Variants in CPLX2 observed in about 807,000 individuals in gnomAD.
CPLX2 encodes the protein complexin 2, also known as complexin-2.
Under a neutral mutation model 16.3 loss-of-function variants are expected in CPLX2, and 5 were observed. The ratio of observed to expected loss-of-function variants is 0.31; its 90% CI spans 0.16 to 0.64. The LOEUF (loss-of-function observed/expected upper bound fraction) is 0.64. CPLX2 is among the 30% of genes least tolerant of loss of function. The pLI, the probability that CPLX2 is intolerant of heterozygous loss-of-function variation, is 0.79. For missense variants in CPLX2, 144 were observed against 181.4 expected (o/e 0.79, Z 1.18); for synonymous variants, 89 against 73.2 (o/e 1.22, Z -1.10).
At chr5:175,800,755 C>A (rs1399653061) in intron 1 of CPLX2, among the ~76,000 whole-genome samples, 1 of 152,336 alleles carries the variant, frequency 6.6e-6, no homozygotes, top group Admixed American at 6.5e-5. Context: ...GATGGTGATA[C>A]AGCAGAACAA....
At chr5:175,859,228 G>A (rs111746034) in intron 2 of CPLX2, among the ~76,000 whole-genome samples, 7 of 152,248 alleles carry the variant, frequency 4.6e-5, no homozygotes, top group East Asian at 3.8e-4. Context: ...ATCAGGAGGC[G>A]TAGCCAGGGC....
rs1019655231 is a variant in CPLX2 at position 175,872,621 on chromosome 5, C to T, written c.-89+916C>T. Among the ~76,000 whole-genome samples the T allele has an allele frequency of 3.3e-5, 5 of 152,130 alleles. No individual in the cohort carries two copies. The highest frequency in any genetic ancestry group is 1.3e-4 in the Admixed American group (2 of 15,282). ...GCCACTTCCGCTTTTCAGCCGGAGT[C>T]GGCTCCCTACCTCCTCCCATCCTCC... On this transcript the variant is annotated intron_variant, in intron 1 of 3. Transcript: ENST00000393745. The surrounding 1 kb of genome is among the most constrained non-coding windows in gnomAD (Gnocchi z 5.0).
chr5:175,821,623 G>A (rs895634042), intron 2 of CPLX2, among the ~76,000 whole-genome samples: 2 of 152,110 alleles, frequency 1.3e-5, no homozygotes, highest in African/African-American at 4.8e-5. Flanking sequence ...GGCCATGCTA[G>A]TCATGAATTC....
At chr5:175,837,329 C>G (rs1295212655) in intron 2 of CPLX2, among the ~76,000 whole-genome samples, 1 of 152,216 alleles carries the variant, frequency 6.6e-6, no homozygotes, top group East Asian at 1.9e-4. Flanking sequence ...GAAACCTTCC[C>G]GCCCTCCCCT....
At chr5:175,875,921 T>C (rs967726731) in intron 1 of CPLX2, among the ~76,000 whole-genome samples, 1 of 151,900 alleles carries the variant, frequency 6.6e-6, no homozygotes, top group Non-Finnish European at 1.5e-5. Flanking sequence ...TAGAGGTACT[T>C]TGCAAACTGG....
intron 2 of CPLX2, among the ~76,000 whole-genome samples, chr5:175,838,537 C>T (rs549866278): frequency 1.3e-5 from 2 of 151,816 alleles, no homozygotes; most frequent in Non-Finnish European, 2.9e-5. Context: ...CAAAAGTGCG[C>T]GTGAGCCACC....
intron 1 of CPLX2, chr5:175,805,406 A>G (rs1166372459): frequency 6.6e-6 from 1 of 152,246 alleles, no homozygotes. Context: ...ATGGGATGAG[A>G]CAGCATTAGA....
At chr5:175,803,125 G>A (rs1346083794) in intron 1 of CPLX2, among the ~76,000 whole-genome samples, 2 of 152,174 alleles carry the variant, frequency 1.3e-5, no homozygotes, top group South Asian at 2.1e-4. Context: ...CACCCAGAGT[G>A]CTCGGCCCAA....
chr5:175,831,794 C>T (rs1758740085), intron 2 of CPLX2, among the ~76,000 whole-genome samples: 1 of 152,152 alleles, frequency 6.6e-6, no homozygotes, highest in Admixed American at 6.5e-5. Context: ...TCCAAAGCAG[C>T]ACAGAGGCAG....
chr5:175,833,442 T>TG (rs1207171691), intron 2 of CPLX2, among the ~76,000 whole-genome samples: 1 of 151,820 alleles, frequency 6.6e-6, no homozygotes, highest in Non-Finnish European at 1.5e-5. Context: ...CAAAGAAGCA[T>TG]GGGGGGCTGT....
rs1020668677 is a variant in CPLX2 at position 175,845,769 on chromosome 5, G to A, written c.-88-32883G>A. Among the ~76,000 whole-genome samples, 4 of 152,124 alleles carry A rather than the reference G, an allele frequency of 2.6e-5. No individual in the cohort carries two copies. The highest frequency in any genetic ancestry group is 1.9e-4 in the East Asian group (1 of 5,172). ...GGATGAGTGATGTGCCCAAGGTCAC[G>A]TGGCTGTCAGATAACAGAGGCAGAA... On this transcript the variant is annotated intron_variant, in intron 2 of 4. Transcript: ENST00000359546. This position sits in a 1 kb window ranked among gnomAD's most constrained non-coding sequence, Gnocchi z 4.0.
intron 2 of CPLX2, among the ~76,000 whole-genome samples, chr5:175,850,152 GTT>G (rs10709640): frequency 6.7e-5 from 10 of 149,028 alleles, no homozygotes; most frequent in Non-Finnish European, 8.9e-5. Flanking sequence ...CAGTTTTTTT[GTT>G]TTTTTTTTTT....
In CPLX2 at chr5:175,849,192, CAG is replaced by C. The variant is rs1476188793; in HGVS notation, c.-88-29457_-88-29456del. On this transcript the variant is annotated intron_variant, in intron 2 of 4. Coordinates refer to the CPLX2 transcript ENST00000359546. The surrounding 1 kb of genome is among the most constrained non-coding windows in gnomAD (Gnocchi z 4.4). Reference sequence around the variant, plus strand: ...GATGTCCACACTTCACAGGTGGAAACAGAGCACAAAACAGTCAGTTTGCTTGT... The same window carrying C: ...GATGTCCACACTTCACAGGTGGAAACAGCACAAAACAGTCAGTTTGCTTGT... 5.9e-5 allele frequency among the ~76,000 whole-genome samples: 9 copies of C among 152,180 alleles called. No homozygotes were observed. The highest frequency in any genetic ancestry group is 1.4e-4 in the African/African-American group (6 of 41,444).
intron 2 of CPLX2, among the ~76,000 whole-genome samples, chr5:175,831,997 G>A (rs1758743127): frequency 6.6e-6 from 1 of 152,164 alleles, no homozygotes; most frequent in African/African-American, 2.4e-5. Flanking sequence ...CTCTTCCCTG[G>A]TCTACCCTAG....
In CPLX2 at chr5:175,809,661, T is replaced by C. The variant is rs576909458; in HGVS notation, c.-89+593T>C. Among the ~76,000 whole-genome samples the C allele has an allele frequency of 2.6e-4, 40 of 152,180 alleles. No homozygotes were observed. Among genetic ancestry groups the C allele is most frequent in the African/African-American group, 9.2e-4 (38 of 41,522 alleles). On this transcript the variant is annotated intron_variant, in intron 2 of 4. Transcript: ENST00000359546. The surrounding 1 kb of genome is among the most constrained non-coding windows in gnomAD (Gnocchi z 4.4). ...CCAGCCCAGGATCCCAACCATCTTA[T>C]GGGTGGAGGAGTCAACCTCAGCTCC...
chr5:175,816,208 G>A (rs1031154166), intron 2 of CPLX2, among the ~76,000 whole-genome samples: 4 of 151,580 alleles, frequency 2.6e-5, no homozygotes, highest in East Asian at 1.9e-4. Flanking sequence ...TCACTCTGTC[G>A]CCAGGCTGGA....
upstream of CPLX2, among the ~76,000 whole-genome samples, chr5:175,871,074 C>T (rs1759581604): frequency 1.3e-5 from 2 of 151,998 alleles, no homozygotes; most frequent in African/African-American, 2.4e-5. Context: ...TGGCAGGAGC[C>T]GCAAGAAGTG....
chr5:175,836,033 C>T (rs1377106943), intron 2 of CPLX2, among the ~76,000 whole-genome samples: 1 of 152,134 alleles, frequency 6.6e-6, no homozygotes, highest in Non-Finnish European at 1.5e-5. Context: ...GTCACCGCGC[C>T]CAGCCGCAAA....
At chr5:175,817,464 C>T (rs1226251365) in intron 2 of CPLX2, among the ~76,000 whole-genome samples, 1 of 152,230 alleles carries the variant, frequency 6.6e-6, no homozygotes, top group Admixed American at 6.5e-5. Context: ...TTTTCCCCCA[C>T]TGGGGTCAGA....
Sources: allele counts gnomAD v4.1 joint callset (sites outside exome capture counted in the v4.1 genomes callset), GRCh38; gene constraint gnomAD v4.1.1; non-coding constraint Gnocchi (gnomAD v3.1); transcripts MANE v1.5; gene names NCBI Gene and HGNC (gene_info 2026-07-23, HGNC 2026-07-21).